MGAT3: variants seen among roughly 807,000 people sequenced by gnomAD.
MGAT3 encodes beta-1,4-mannosyl-glycoprotein 4-beta-N-acetylglucosaminyltransferase, also known as GlcNAc-T III.
MGAT3 carries 9 observed loss-of-function variants against 29.8 expected under a neutral mutation model. The observed-to-expected ratio is 0.30, with a 90% CI of 0.18 to 0.53. MGAT3 has a LOEUF of 0.53. Ranked by LOEUF, MGAT3 falls within the 20% of genes least tolerant of loss-of-function variation. The pLI, the probability that MGAT3 is intolerant of heterozygous loss-of-function variation, is 0.96. For synonymous variants in MGAT3, 397 were observed against 348.9 expected (o/e 1.14, Z -1.54); for missense variants, 557 against 769.5 (o/e 0.72, Z 3.27).
chr22:39,484,135 C>T lies in MGAT3; in HGVS notation c.-1-3212C>T, dbSNP rs372861359. Among the ~76,000 whole-genome samples the T allele has an allele frequency of 1.3e-4, 20 of 152,296 alleles. No homozygotes were observed. The East Asian group carries it at 1.5e-3, about 12-fold the overall frequency. On this transcript the variant is annotated intron_variant, in intron 1 of 1. Transcript: ENST00000341184. The stretch of plus-strand genomic sequence containing the variant: ...GAAGGCCCCTAGGTCCTGGTTTCCT[C>T]CTCTATAAAATGAAAGAGTTGGAGG...
chr22:39,475,545 CCT>C (rs1045568016), intron 1 of MGAT3, among the ~76,000 whole-genome samples: 1 of 152,178 alleles, frequency 6.6e-6, no homozygotes, highest in African/African-American at 2.4e-5. Flanking sequence ...GCTCTATGAG[CCT>C]CTCTCAGCCA....
In MGAT3 at chr22:39,489,066, T is replaced by TTGG; in HGVS notation, c.*117_*118insTGG. The TTGG allele has an allele frequency of 6.9e-5, 23 of 332,532 alleles. No individual in the cohort carries two copies. The highest frequency in any genetic ancestry group is 1.3e-4 in the East Asian group (2 of 15,874). 20.6% of individuals were successfully genotyped at this position (332,532 alleles called of 1,614,324 possible). On this transcript the variant is annotated 3_prime_UTR_variant, in exon 2 of 2. Coordinates refer to ENST00000341184, the MANE Select transcript of MGAT3 (RefSeq NM_002409.5). ...GAGGGGACCAGGAGTGGGTGGGGAG[T>TTGG]GGGGGTGGGGGTAGGGTTTCCCTAC...
chr22:39,474,600 C>T (rs1218773863), intron 1 of MGAT3, among the ~76,000 whole-genome samples: 1 of 152,228 alleles, frequency 6.6e-6, no homozygotes, highest in Non-Finnish European at 1.5e-5. Flanking sequence ...CTCCCACTGC[C>T]TCCTGGCTCT....
chr22:39,469,241 G>A (rs1175435769), intron 1 of MGAT3, among the ~76,000 whole-genome samples: 3 of 152,064 alleles, frequency 2.0e-5, no homozygotes, highest in African/African-American at 4.8e-5. Flanking sequence ...TGTTGGGAAC[G>A]TCATCGGAGC....
chr22:39,489,181 C>G lies in MGAT3; in HGVS notation c.*232C>G, dbSNP rs1601732444. 1.5e-6 allele frequency: 1 copy of G among 647,608 alleles called. No individual in the cohort carries two copies. Among genetic ancestry groups the G allele is most frequent in the Admixed American group, 3.0e-5 (1 of 32,836 alleles). The allele number at this position is 647,608 out of a possible 1,614,324, so 40.1% of individuals were successfully genotyped here. ...GGCGCAGGCCGTGACGTCTGGGTGGCCCTTATGACTGCCAAGACTGCTGTG... is the reference window on the plus strand; with the variant it reads ...GGCGCAGGCCGTGACGTCTGGGTGGGCCTTATGACTGCCAAGACTGCTGTG... On this transcript the variant is annotated 3_prime_UTR_variant, in exon 2 of 2. Coordinates refer to ENST00000341184, the MANE Select transcript of MGAT3 (RefSeq NM_002409.5).
At chr22:39,467,336 G>A (rs941004123) in intron 1 of MGAT3, among the ~76,000 whole-genome samples, 18 of 152,220 alleles carry the variant, frequency 1.2e-4, no homozygotes, top group African/African-American at 2.7e-4. Flanking sequence ...ATGGGAAAGG[G>A]GTGGGGAAGG....
chr22:39,466,262 T>A (rs1038888538), intron 1 of MGAT3, among the ~76,000 whole-genome samples: 1 of 152,188 alleles, frequency 6.6e-6, no homozygotes, highest in Admixed American at 6.5e-5. Context: ...GGGCCACCGC[T>A]TGCGGGCAGT....
In MGAT3 at chr22:39,487,607, G is replaced by C; in HGVS notation, c.260G>C (p.Ser87Thr). The stretch of plus-strand genomic sequence containing the variant: ...CCCCTGCTGCAGCCGCTGCCGCCCA[G>C]CAAGGCGGCCGAGGAGCTCCACCGG... Reference protein sequence around the residue: ...HSPLLQPLPPSKAAEELHRVD... With the variant: ...HSPLLQPLPPTKAAEELHRVD... Residue 87 changes from serine to threonine, a missense_variant, in exon 2 of 2, where the codon AGC becomes ACC. This residue lies in a region of MGAT3 where 212 missense variants were observed against 228.5 expected (regional missense o/e 0.93). Transcript: ENST00000341184. This position sits in a 1 kb window ranked among gnomAD's most constrained non-coding sequence, Gnocchi z 5.7. The C allele has an allele frequency of 1.2e-6, 2 of 1,611,552 alleles. No individual in the cohort carries two copies. Among genetic ancestry groups the C allele is most frequent in the Non-Finnish European group, 1.7e-6 (2 of 1,179,280 alleles).
At position 39,491,339 on chromosome 22, in the gene MGAT3, G is replaced by A. The variant is rs1018211248; in HGVS notation, c.*2390G>A. On this transcript the variant is annotated 3_prime_UTR_variant, in exon 2 of 2. Transcript: ENST00000341184. This position sits in a 1 kb window ranked among gnomAD's most constrained non-coding sequence, Gnocchi z 5.5. ...CTGTTTGCTCTTGGGGCTGAGAGGT[G>A]GCTCAAACACTCGGGGTCCCTATGG... The A allele has an allele frequency of 2.4e-5, 4 of 167,484 alleles. No homozygotes were observed. Among genetic ancestry groups the A allele is most frequent in the Non-Finnish European group, 5.8e-5 (4 of 68,382 alleles). The allele number at this position is 167,484 out of a possible 1,614,324, so 10.4% of individuals were successfully genotyped here. A position where few individuals can be genotyped will look rare whatever the true frequency, so the allele number is the denominator to read the frequency against.
At chr22:39,471,609 C>T (rs1928813913) in intron 1 of MGAT3, among the ~76,000 whole-genome samples, 1 of 151,922 alleles carries the variant, frequency 6.6e-6, no homozygotes, top group South Asian at 2.1e-4. Context: ...CGGCCTTCCT[C>T]TGCAGAGATG....
Position 39,479,910 on chromosome 22 carries a change from C to T in MGAT3, c.-1-7437C>T, listed in dbSNP as rs111677268. ...CTTATATGCCAGCTGGGAAGACAGA[C>T]ATCTAGGGGAAAATGAGCCTAGTGT... On this transcript the variant is annotated intron_variant, in intron 1 of 1. Coordinates refer to ENST00000341184, the MANE Select transcript of MGAT3 (RefSeq NM_002409.5). Among the ~76,000 whole-genome samples, 136 of 152,242 alleles carry T rather than the reference C, an allele frequency of 8.9e-4. 2 individuals are homozygous for T. Among genetic ancestry groups the T allele is most frequent in the East Asian group, 7.0e-3 (36 of 5,166 alleles).
At chr22:39,472,723 C>T (rs1009113880) in intron 1 of MGAT3, 1 of 152,280 alleles carries the variant, frequency 6.6e-6, no homozygotes, top group Admixed American at 6.5e-5. Flanking sequence ...GGAAACCAGC[C>T]CAGATGGAGG....
chr22:39,488,442 C>T lies in MGAT3; in HGVS notation c.1095C>T (p.Cys365=), dbSNP rs777690654. The part of the protein sequence containing the change: ...QPGTLEVVSG[C]TVDMLQAVYG... The stretch of plus-strand genomic sequence containing the variant: ...GCACCCTGGAGGTGGTGTCAGGCTG[C>T]ACGGTGGACATGCTGCAGGCAGTGT... The change falls in exon 2 of 2, where the codon TGC becomes TGT. Residue 365 remains cysteine, a synonymous_variant. Transcript: ENST00000341184. The T allele has an allele frequency of 6.2e-7, 1 of 1,612,886 alleles. No homozygotes were observed. Among genetic ancestry groups the T allele is most frequent in the Admixed American group, 1.7e-5 (1 of 60,034 alleles).
chr22:39,481,450 G>T (rs1929124593), intron 1 of MGAT3, among the ~76,000 whole-genome samples: 1 of 152,226 alleles, frequency 6.6e-6, no homozygotes, highest in African/African-American at 2.4e-5. Context: ...TGCTGAGCAG[G>T]TTCCCTGAGG....
intron 1 of MGAT3, among the ~76,000 whole-genome samples, chr22:39,458,998 T>C (rs1928421248): frequency 6.6e-6 from 1 of 152,126 alleles, no homozygotes; most frequent in Admixed American, 6.5e-5. Context: ...ATTCTAAGGG[T>C]CTGCCTGGTG....
chr22:39,464,863 A>G (rs7286917), intron 1 of MGAT3, among the ~76,000 whole-genome samples: 121,944 of 151,546 alleles, frequency 0.8, 49,635 homozygotes, highest in East Asian at 1. Context: ...CCATTCTCCT[A>G]CCTCAGCCTC....
At chr22:39,484,890 C>T (rs1929227707) in intron 1 of MGAT3, among the ~76,000 whole-genome samples, 1 of 152,038 alleles carries the variant, frequency 6.6e-6, no homozygotes, top group Non-Finnish European at 1.5e-5. Context: ...GTAATTCCAG[C>T]TACTTGGGAG....
Position 39,488,921 on chromosome 22 carries a change from G to T in MGAT3, c.1574G>T (p.Arg525Leu). The stretch of plus-strand genomic sequence containing the variant: ...GGTCCCGAGGGAAGGCCGCCCGCCC[G>T]GGGCAAACTGGACGAGGCGGAAGTC... ...HRGPEGRPPA[R>L]GKLDEAEV is the part of the protein sequence containing the mutation. The change falls in exon 2 of 2, where the codon CGG (arginine) becomes CTG (leucine). Residue 525 changes from arginine to leucine, a missense_variant. Arg to Leu is a moderately radical substitution (Grantham distance 102, BLOSUM62 -2). Coordinates refer to ENST00000341184, the MANE Select transcript of MGAT3 (RefSeq NM_002409.5). The T allele has an allele frequency of 2.5e-6, 4 of 1,605,296 alleles. No homozygotes were observed. Among genetic ancestry groups the T allele is most frequent in the Non-Finnish European group, 3.4e-6 (4 of 1,176,442 alleles).
At chr22:39,467,744 T>G (rs892269753) in intron 1 of MGAT3, among the ~76,000 whole-genome samples, 6 of 150,926 alleles carry the variant, frequency 4.0e-5, no homozygotes. Flanking sequence ...TTCGTTTCGT[T>G]TCTTTCAGAT....
Sources: allele counts gnomAD v4.1 joint callset (sites outside exome capture counted in the v4.1 genomes callset), GRCh38; gene constraint gnomAD v4.1.1; regional missense constraint gnomAD v4.1.1; non-coding constraint Gnocchi (gnomAD v3.1); transcripts MANE v1.5; gene names NCBI Gene and HGNC (gene_info 2026-07-23, HGNC 2026-07-21).